Variants in POLI observed in about 807,000 individuals in gnomAD.
The protein encoded by POLI is RAD30 homolog B.
A neutral mutation model predicts 51.6 loss-of-function variants in POLI; 58 were observed. That is an observed-to-expected ratio of 1.12 (90% CI 0.91 to 1.40). The LOEUF is 1.40. Among genes scored for constraint, POLI ranks in the 40% most tolerant of loss-of-function variants. The probability of loss-of-function intolerance (pLI) is 0.00; values close to 1 mark genes in which losing one functional copy is unlikely to be tolerated. For missense variants in POLI, 921 were observed against 871.3 expected (o/e 1.06, Z -0.72); for synonymous variants, 322 against 299.7 (o/e 1.07, Z -0.77).
chr18:54,301,850 T>A (rs544733535), downstream of POLI, among the ~76,000 whole-genome samples: 6 of 152,342 alleles, frequency 3.9e-5, no homozygotes, highest in East Asian at 3.9e-4. Context: ...TTTACTTTTT[T>A]AAAAAGTTCT....
At chr18:54,319,700 T>G (rs1228038602) in intron 3 of POLI, among the ~76,000 whole-genome samples, 1 of 152,152 alleles carries the variant, frequency 6.6e-6, no homozygotes, top group Non-Finnish European at 1.5e-5. Context: ...TTAGAAGTAA[T>G]CGAAGTGACA....
At position 54,293,740 on chromosome 18, in the gene POLI, C is replaced by CTAGGGA; in HGVS notation, c.1497_1502dup (p.Arg500_Glu501insAspArg). 6.2e-7 allele frequency: 1 copy of CTAGGGA among 1,606,434 alleles called. No homozygotes were observed. The highest frequency in any genetic ancestry group is 8.5e-7 in the Non-Finnish European group (1 of 1,175,448). On this transcript the variant is annotated inframe_insertion, in exon 10 of 10. Coordinates refer to ENST00000579534, the MANE Select transcript of POLI (RefSeq NM_007195.3). ...AGTGGAAGAATTGAAAGTACAAGAA[C>CTAGGGA]TAGGGAGTCTCCACTAGATACCACA...
chr18:54,299,694 G>C (rs1428467475), downstream of POLI, among the ~76,000 whole-genome samples: 4 of 152,124 alleles, frequency 2.6e-5, no homozygotes, highest in African/African-American at 9.7e-5. Flanking sequence ...GAGGGTGGGA[G>C]ATGTAAAAAA....
rs1490322557 is a variant in POLI at position 54,283,950 on chromosome 18, A to C, written c.1004A>C (p.Lys335Thr). The C allele has an allele frequency of 1.4e-6, 2 of 1,440,912 alleles. No homozygotes were observed. Among genetic ancestry groups the C allele is most frequent in the African/African-American group, 2.8e-5 (2 of 71,190 alleles). The allele number at this position is 1,440,912 out of a possible 1,614,324, so 89.3% of individuals were successfully genotyped here. A position where few individuals can be genotyped will look rare whatever the true frequency, so the allele number is the denominator to read the frequency against. ...QSFSEEDSFK[K>T]CSSEVEAKNK... ...TTTAGTGAAGAAGATTCATTTAAAAAATGTTCATCTGAAGTTGAAGCTAAA... is the reference window on the plus strand; with the variant it reads ...TTTAGTGAAGAAGATTCATTTAAAACATGTTCATCTGAAGTTGAAGCTAAA... The change falls in exon 7 of 10, where the codon AAA becomes ACA. Residue 335 changes from lysine to threonine, a missense_variant. Lys to Thr is a moderately conservative substitution (Grantham distance 78). Coordinates refer to ENST00000579534, the MANE Select transcript of POLI (RefSeq NM_007195.3).
In POLI at chr18:54,295,905, G is replaced by T; in HGVS notation, c.*1438G>T. The T allele has an allele frequency of 1.0e-6, 1 of 966,974 alleles. No individual in the cohort carries two copies. Among genetic ancestry groups the T allele is most frequent in the Non-Finnish European group, 1.2e-6 (1 of 813,176 alleles). The allele number at this position is 966,974 out of a possible 1,614,324, so 59.9% of individuals were successfully genotyped here. On this transcript the variant is annotated 3_prime_UTR_variant, in exon 10 of 10. Transcript: ENST00000579534. ...GCCTCCCAAAGTGCTGGGATTACAG[G>T]TGTGAGCCATTGCTCCTGGCCCCAG... is the stretch of plus-strand genomic sequence containing the variant.
At chr18:54,290,549 A>G (rs554455238) in intron 8 of POLI, among the ~76,000 whole-genome samples, 1 of 152,350 alleles carries the variant, frequency 6.6e-6, no homozygotes, top group East Asian at 1.9e-4. Flanking sequence ...TTGTGGCACT[A>G]TTCACAATAG....
chr18:54,309,052 T>A (rs1568159559), intron 3 of POLI, among the ~76,000 whole-genome samples: 2 of 152,210 alleles, frequency 1.3e-5, no homozygotes, highest in African/African-American at 4.8e-5. Context: ...CCTAGAAATT[T>A]GTTATTACCA....
At chr18:54,310,146 C>T (rs541634908) in intron 3 of POLI, among the ~76,000 whole-genome samples, 45 of 152,284 alleles carry the variant, frequency 3.0e-4, no homozygotes, top group African/African-American at 9.4e-4. Context: ...GTTGGAAATG[C>T]GGAAATCACC....
chr18:54,319,283 G>A (rs576302331), intron 3 of POLI, among the ~76,000 whole-genome samples: 62 of 152,070 alleles, frequency 4.1e-4, no homozygotes, highest in Middle Eastern at 3.4e-3. Context: ...TGCAGCCAAC[G>A]TTTTCTTAAC....
intron 4 of POLI, among the ~76,000 whole-genome samples, chr18:54,279,367 C>T (rs917500040): frequency 6.6e-6 from 1 of 151,750 alleles, no homozygotes; most frequent in African/African-American, 2.4e-5. Flanking sequence ...TTCAGCCTCC[C>T]GACTAGCTGG....
intron 3 of POLI, among the ~76,000 whole-genome samples, chr18:54,306,555 C>G (rs545346142): frequency 3.9e-5 from 6 of 152,242 alleles, no homozygotes; most frequent in South Asian, 2.1e-4. Flanking sequence ...TGTGTCTCTG[C>G]TAGCCTTTGG....
chr18:54,292,929 G>A (rs2088097438), intron 9 of POLI, among the ~76,000 whole-genome samples: 2 of 152,022 alleles, frequency 1.3e-5, no homozygotes, highest in African/African-American at 4.8e-5. Flanking sequence ...AAATATAAGT[G>A]AAAGTACCTT....
At chr18:54,308,049 A>G (rs2088617377) in intron 3 of POLI, among the ~76,000 whole-genome samples, 5 of 152,150 alleles carry the variant, frequency 3.3e-5, no homozygotes, top group Admixed American at 2.0e-4. Context: ...TTGCCAGTCT[A>G]TGTCTTTTAA....
intron 3 of POLI, among the ~76,000 whole-genome samples, chr18:54,312,121 T>TC (rs913161725): frequency 1.1e-4 from 16 of 151,768 alleles, no homozygotes; most frequent in Admixed American, 6.6e-4. Context: ...TCCCTTATAT[T>TC]CCCCCCCAGC....
intron 3 of POLI, among the ~76,000 whole-genome samples, chr18:54,310,002 C>T (rs568282380): frequency 1.3e-5 from 2 of 152,180 alleles, no homozygotes; most frequent in African/African-American, 4.8e-5. Flanking sequence ...CAGGGCTTCC[C>T]TTGGCTAGGA....
At chr18:54,293,506 A>T in intron 9 of POLI, 143 bp from the exon 10 acceptor site, 2 of 570,714 alleles carry the variant, frequency 3.5e-6, no homozygotes, top group Non-Finnish European at 6.1e-6. Context: ...GTAGATCTCT[A>T]GTTGTTTGGA....
At position 54,296,162 on chromosome 18, in the gene POLI, A is replaced by G. The variant is rs2088315650; in HGVS notation, c.*1695A>G. On this transcript the variant is annotated 3_prime_UTR_variant, in exon 10 of 10. Coordinates refer to ENST00000579534, the MANE Select transcript of POLI (RefSeq NM_007195.3). ...GAAAAGGGTATATAACTTTTTGTAA[A>G]TCATTAAAACATTTTATAGTCCTTG... is the stretch of plus-strand genomic sequence containing the variant. 1 of 984,456 alleles carries G rather than the reference A, an allele frequency of 1.0e-6. No individual in the cohort carries two copies. The highest frequency in any genetic ancestry group is 1.7e-5 in the African/African-American group (1 of 57,226). The allele number at this position is 984,456 out of a possible 1,614,324, so 61.0% of individuals were successfully genotyped here.
intron 3 of POLI, among the ~76,000 whole-genome samples, chr18:54,316,798 C>T (rs1266429017): frequency 6.6e-6 from 1 of 152,114 alleles, no homozygotes; most frequent in Non-Finnish European, 1.5e-5. Flanking sequence ...AAATATTGTA[C>T]CTTATGAACT....
intron 9 of POLI, among the ~76,000 whole-genome samples, chr18:54,292,531 G>T (rs2718886): frequency 0.18 from 27,283 of 151,984 alleles, 2,660 homozygotes; most frequent in Middle Eastern, 0.25. Context: ...TAACAGTGTG[G>T]CAATAGAAAG....
Sources: allele counts gnomAD v4.1 joint callset (sites outside exome capture counted in the v4.1 genomes callset), GRCh38; gene constraint gnomAD v4.1.1; transcripts MANE v1.5; gene names NCBI Gene and HGNC (gene_info 2026-07-23, HGNC 2026-07-21).